Variants in EBF3 observed in about 807,000 individuals in gnomAD.
EBF3 encodes the protein EBF transcription factor 3.
A neutral mutation model predicts 77.1 loss-of-function variants in EBF3; 18 were observed. That is an observed-to-expected ratio of 0.23 (90% CI 0.16 to 0.35). EBF3 has a LOEUF of 0.35. Among genes scored for constraint, EBF3 ranks in the 10% least tolerant of loss-of-function variants. The probability of loss-of-function intolerance (pLI) is 1.00; values close to 1 mark genes in which losing one functional copy is unlikely to be tolerated. For missense variants in EBF3, 558 were observed against 860.0 expected, an observed-to-expected ratio of 0.65 and a Z score of 4.39; for synonymous variants, 350 against 343.5, an observed-to-expected ratio of 1.02 and a Z score of -0.21.
At chr10:129,949,903 A>G (rs74162533) in intron 6 of EBF3, among the ~76,000 whole-genome samples, 1,889 of 151,992 alleles carry the variant, frequency 0.012, 40 homozygotes, top group African/African-American at 0.042. Context: ...GGCCTTAAAC[A>G]CTGCCAAAGT....
chr10:129,946,217 G>C (rs1017627869), intron 6 of EBF3, among the ~76,000 whole-genome samples: 1 of 152,184 alleles, frequency 6.6e-6, no homozygotes, highest in South Asian at 2.1e-4. Flanking sequence ...CCTGGCGACT[G>C]GTCAACTCTG....
At chr10:129,862,884 T>C (rs1207713720) in intron 10 of EBF3, among the ~76,000 whole-genome samples, 1 of 152,248 alleles carries the variant, frequency 6.6e-6, no homozygotes, top group Non-Finnish European at 1.5e-5. Context: ...AATGCGAAAC[T>C]GCCCAATTTG....
At chr10:129,956,504 G>T (rs1859048649) in intron 6 of EBF3, among the ~76,000 whole-genome samples, 1 of 152,164 alleles carries the variant, frequency 6.6e-6, no homozygotes, top group Non-Finnish European at 1.5e-5. Context: ...CGAGGAGGGT[G>T]GTGGTGTTTT....
chr10:129,896,707 CCTT>C (rs1341770045), intron 6 of EBF3, among the ~76,000 whole-genome samples: 3 of 152,236 alleles, frequency 2.0e-5, no homozygotes, highest in South Asian at 2.1e-4. Flanking sequence ...CTGCTCTCCT[CCTT>C]AAGCATTCCC....
At chr10:129,840,713 C>G in intron 14 of EBF3, 131 bp downstream of exon 14, 1 of 1,334,544 alleles carries the variant, frequency 7.5e-7, no homozygotes, top group Non-Finnish European at 1.0e-6. Flanking sequence ...GCCATTTGGA[C>G]GCCCAGCCTC....
chr10:129,867,065 C>A (rs905285127), intron 10 of EBF3, 76 bp downstream of exon 10: 1 of 1,540,734 alleles, frequency 6.5e-7, no homozygotes, highest in South Asian at 1.3e-5. Flanking sequence ...ACAGTCCTCC[C>A]GTGCCCTCAT....
In EBF3 at chr10:129,943,879, C is replaced by T. The variant is rs995224315; in HGVS notation, c.554+13379G>A. Among the ~76,000 whole-genome samples, 2 of 152,210 alleles carry T rather than the reference C, an allele frequency of 1.3e-5. No individual in the cohort carries two copies. The highest frequency in any genetic ancestry group is 4.8e-5 in the African/African-American group (2 of 41,454). ...CAGCAACGTTATGGAGGGCGCTGGC[C>T]TTCGGCGCAGACCCAGCTGAAACCG... is the stretch of plus-strand genomic sequence containing the variant. On this transcript the variant is annotated intron_variant, in intron 6 of 16. Coordinates refer to ENST00000440978, the MANE Select transcript of EBF3 (RefSeq NM_001375380.1). This position sits in a 1 kb window ranked among gnomAD's most constrained non-coding sequence, Gnocchi z 8.8.
intron 6 of EBF3, among the ~76,000 whole-genome samples, chr10:129,925,250 T>G: frequency 6.8e-6 from 1 of 146,316 alleles, no homozygotes. Flanking sequence ...GCCTGGCTGG[T>G]GTGAGGGTGG....
intron 6 of EBF3, among the ~76,000 whole-genome samples, chr10:129,942,370 A>AG (rs749157337): frequency 4.6e-5 from 7 of 152,376 alleles, no homozygotes; most frequent in Middle Eastern, 3.4e-3. Flanking sequence ...AAAAACAAGA[A>AG]GGGTGCTGAA....
chr10:129,892,491 G>A (rs1290625352), intron 6 of EBF3, among the ~76,000 whole-genome samples: 4 of 152,186 alleles, frequency 2.6e-5, no homozygotes, highest in Non-Finnish European at 4.4e-5. Context: ...AACACCATGG[G>A]TCCAGACCGG....
chr10:129,945,422 G>C (rs1858131075), intron 6 of EBF3, among the ~76,000 whole-genome samples: 1 of 152,236 alleles, frequency 6.6e-6, no homozygotes, highest in African/African-American at 2.4e-5. Context: ...AAAATGGCCA[G>C]TGCAAAGAAG....
intron 12 of EBF3, 37 bp downstream of exon 12, chr10:129,843,100 G>GA: frequency 6.2e-7 from 1 of 1,604,282 alleles, no homozygotes; most frequent in Non-Finnish European, 8.5e-7. Context: ...TCTGGCATGG[G>GA]GGGGAGGATG....
At chr10:129,898,273 C>T (rs889550363) in intron 6 of EBF3, among the ~76,000 whole-genome samples, 11 of 152,318 alleles carry the variant, frequency 7.2e-5, no homozygotes, top group Admixed American at 5.9e-4. Flanking sequence ...CCATCCTGCC[C>T]GGCTGGGTCT....
intron 6 of EBF3, among the ~76,000 whole-genome samples, chr10:129,899,048 C>T (rs376646028): frequency 4.6e-5 from 7 of 151,268 alleles, no homozygotes; most frequent in Non-Finnish European, 8.9e-5. Context: ...CGCCGGCTCC[C>T]GTTCAGCATC....
intron 6 of EBF3, among the ~76,000 whole-genome samples, chr10:129,922,583 T>A (rs561957790): frequency 3.0e-4 from 46 of 152,206 alleles, no homozygotes; most frequent in Non-Finnish European, 1.0e-4. Flanking sequence ...CAGAAAGGCG[T>A]GCACCACACT....
rs149574740 is a variant in EBF3, at chr10:129,923,077, T to C, written c.554+34181A>G. Among the ~76,000 whole-genome samples the C allele has an allele frequency of 9.5e-4, 145 of 152,310 alleles. 2 individuals are homozygous for C. Among genetic ancestry groups the C allele is most frequent in the African/African-American group, 3.3e-3 (138 of 41,584 alleles). Reference sequence around the variant, plus strand: ...GAATATCTCCACTCTTGCGCCAAACTGTCAGAATGGCATAAGAACATCCTG... The same window carrying C: ...GAATATCTCCACTCTTGCGCCAAACCGTCAGAATGGCATAAGAACATCCTG... On this transcript the variant is annotated intron_variant, in intron 6 of 16. Transcript: ENST00000440978.
At position 129,867,237 on chromosome 10, in the gene EBF3, T is replaced by C. The variant is rs1328189976; in HGVS notation, c.943A>G (p.Thr315Ala). The change falls in exon 10 of 17, where the codon ACC (threonine) becomes GCC (alanine). Residue 315 changes from threonine to alanine, a missense_variant. By Grantham distance (58) the Thr-to-Ala change is moderately conservative (BLOSUM62 0). This residue lies in a region of EBF3 where 112 missense variants were observed against 207.7 expected (regional missense o/e 0.54). Coordinates refer to ENST00000440978, the MANE Select transcript of EBF3 (RefSeq NM_001375380.1). ...LITPHAIRVQ[T>A]PPRHIPGVVE... ...ACGCCAGGAATGTGCCTCGGCGGGG[T>C]CTGGACTCGGATGGCATGGGGAGTT... The C allele has an allele frequency of 6.2e-7, 1 of 1,613,954 alleles. No individual in the cohort carries two copies. Among genetic ancestry groups the C allele is most frequent in the Non-Finnish European group, 8.5e-7 (1 of 1,179,992 alleles).
chr10:129,836,000 C>T lies in EBF3; in HGVS notation c.*1943G>A, dbSNP rs1449188298. ...GTATTGTTAAAAAAAAATTGAAAAC[C>T]AGCAGTGATTTGGGTCCCCCTGAAA... is the stretch of plus-strand genomic sequence containing the variant. On this transcript the variant is annotated 3_prime_UTR_variant, in exon 17 of 17. Transcript: ENST00000440978. 6.6e-6 allele frequency: 1 copy of T among 152,532 alleles called. No individual in the cohort carries two copies. The highest frequency in any genetic ancestry group is 6.6e-5 in the Admixed American group (1 of 15,262). The allele number at this position is 152,532 out of a possible 1,614,324, so 9.4% of individuals were successfully genotyped here. A position where few individuals can be genotyped will look rare whatever the true frequency, so the allele number is the denominator to read the frequency against.
intron 11 of EBF3, among the ~76,000 whole-genome samples, chr10:129,846,347 C>T (rs1227425600): frequency 2.6e-5 from 4 of 151,834 alleles, no homozygotes; most frequent in African/African-American, 7.3e-5. Flanking sequence ...ACGTGCATTA[C>T]GGAGCTTCAA....
Sources: gnomAD v4.1 joint callset for allele counts (sites outside exome capture counted in the v4.1 genomes callset) on GRCh38, gnomAD v4.1.1 for gene constraint, gnomAD v4.1.1 regional missense constraint, Gnocchi (gnomAD v3.1) non-coding constraint, MANE v1.5 for transcripts, NCBI Gene and HGNC (gene_info 2026-07-23, HGNC 2026-07-21) for gene names.